The following SPIRE1 variants were observed in gnomAD, a reference collection of about 807,000 sequenced individuals.
The protein encoded by SPIRE1 is protein spire homolog 1.
SPIRE1 carries 40 observed loss-of-function variants against 94.1 expected under a neutral mutation model. The observed-to-expected ratio is 0.43, with a 90% CI of 0.33 to 0.55. The LOEUF (loss-of-function observed/expected upper bound fraction) is 0.55, where lower values mean the gene tolerates loss of function less well. Among genes scored for constraint, SPIRE1 ranks in the 20% least tolerant of loss-of-function variants. The pLI, the probability that SPIRE1 is intolerant of heterozygous loss-of-function variation, is 0.06. For synonymous variants in SPIRE1, 376 were observed against 371.7 expected (o/e 1.01, Z -0.13); for missense variants, 838 against 975.2 (o/e 0.86, Z 1.87).
rs2035603296 is a variant in SPIRE1, at chr18:12,559,002, G to A, written c.373-12098C>T. Among the ~76,000 whole-genome samples the A allele has an allele frequency of 6.6e-6, 1 of 152,190 alleles. No individual in the cohort carries two copies. Among genetic ancestry groups the A allele is most frequent in the Non-Finnish European group, 1.5e-5 (1 of 68,024 alleles). On this transcript the variant is annotated intron_variant, in intron 2 of 16. Coordinates refer to ENST00000409402, the MANE Select transcript of SPIRE1 (RefSeq NM_001128626.2). This position sits in a 1 kb window ranked among gnomAD's most constrained non-coding sequence, Gnocchi z 4.7. Reference sequence around the variant, plus strand: ...TTCTCCAAGACCCTACCCAACTCAGGAGCCCAGCTGGCTTCCCCTAGTGGA... The same window carrying A: ...TTCTCCAAGACCCTACCCAACTCAGAAGCCCAGCTGGCTTCCCCTAGTGGA...
At chr18:12,545,905 T>G (rs1288239915) in intron 3 of SPIRE1, among the ~76,000 whole-genome samples, 2 of 152,216 alleles carry the variant, frequency 1.3e-5, no homozygotes, top group Non-Finnish European at 2.9e-5. Flanking sequence ...AGCGGTTTCT[T>G]GAGTTATGAT....
chr18:12,658,144 C>A, upstream of SPIRE1: 1 of 851,196 alleles, frequency 1.2e-6, no homozygotes, highest in Non-Finnish European at 1.5e-6. Flanking sequence ...TCGCGCCGTC[C>A]AGCGCCGCCC....
chr18:12,628,239 A>G (rs1489509955), intron 2 of SPIRE1, among the ~76,000 whole-genome samples: 1 of 151,948 alleles, frequency 6.6e-6, no homozygotes, highest in Non-Finnish European at 1.5e-5. Flanking sequence ...GTATAAAGAA[A>G]GGGATCCAGT....
intron 9 of SPIRE1, among the ~76,000 whole-genome samples, chr18:12,483,906 A>G (rs913630638): frequency 6.6e-6 from 1 of 152,244 alleles, no homozygotes; most frequent in Admixed American, 6.5e-5. Flanking sequence ...ACAAGAAATC[A>G]AGAATGAAGC....
At chr18:12,531,369 C>G (rs1327605699) in intron 4 of SPIRE1, among the ~76,000 whole-genome samples, 1 of 152,208 alleles carries the variant, frequency 6.6e-6, no homozygotes, top group African/African-American at 2.4e-5. Flanking sequence ...TATTCTCTCT[C>G]CAGAACTGCT....
intron 4 of SPIRE1, among the ~76,000 whole-genome samples, chr18:12,525,952 T>C (rs1208560836): frequency 6.6e-6 from 1 of 151,788 alleles, no homozygotes; most frequent in Non-Finnish European, 1.5e-5. Context: ...TTAGAGATCA[T>C]CATATGCTCA....
intron 8 of SPIRE1, among the ~76,000 whole-genome samples, chr18:12,492,587 T>G (rs570108614): frequency 1.3e-5 from 2 of 152,318 alleles, no homozygotes; most frequent in African/African-American, 4.8e-5. Flanking sequence ...AAACTGTACA[T>G]CTATCATCTA....
intron 12 of SPIRE1, among the ~76,000 whole-genome samples, chr18:12,460,968 G>T (rs904241401): frequency 2.0e-5 from 3 of 152,096 alleles, no homozygotes; most frequent in African/African-American, 7.2e-5. Flanking sequence ...TCTGCTCCCT[G>T]CCCTCAATCT....
chr18:12,534,096 C>CA (rs1278006294), intron 4 of SPIRE1, among the ~76,000 whole-genome samples: 2 of 152,056 alleles, frequency 1.3e-5, no homozygotes, highest in Non-Finnish European at 2.9e-5. Context: ...CATAAAAAGA[C>CA]AGACTATAAG....
chr18:12,531,192 G>C (rs1463963720), intron 4 of SPIRE1, among the ~76,000 whole-genome samples: 1 of 152,100 alleles, frequency 6.6e-6, no homozygotes, highest in Admixed American at 6.5e-5. Context: ...GAGCCACTGT[G>C]CCTGGCCTCC....
intron 5 of SPIRE1, among the ~76,000 whole-genome samples, chr18:12,510,095 A>G (rs201676774): frequency 6.6e-6 from 1 of 151,692 alleles, no homozygotes; most frequent in Non-Finnish European, 1.5e-5. Flanking sequence ...AAAAAAAAAA[A>G]AAAACTAAAA....
At chr18:12,486,318 A>T (rs1332658718) in intron 8 of SPIRE1, among the ~76,000 whole-genome samples, 1 of 152,238 alleles carries the variant, frequency 6.6e-6, no homozygotes, top group African/African-American at 2.4e-5. Flanking sequence ...TGACTTAAAT[A>T]TAGATTTTTA....
intron 2 of SPIRE1, among the ~76,000 whole-genome samples, chr18:12,586,430 T>G (rs962528866): frequency 1.1e-4 from 16 of 152,218 alleles, no homozygotes; most frequent in African/African-American, 3.9e-4. Context: ...CAAACCAAGT[T>G]GCCAGATTAC....
chr18:12,577,576 T>C (rs1286739040), intron 2 of SPIRE1, among the ~76,000 whole-genome samples: 2 of 152,228 alleles, frequency 1.3e-5, no homozygotes, highest in Non-Finnish European at 2.9e-5. Flanking sequence ...GTTATCTACA[T>C]AGTCATTGTC....
intron 2 of SPIRE1, among the ~76,000 whole-genome samples, chr18:12,549,085 C>T (rs2035259878): frequency 6.6e-6 from 1 of 152,182 alleles, no homozygotes. Flanking sequence ...ACATTGCTCT[C>T]ACAGCATGTA....
At chr18:12,560,726 T>C (rs1237139600) in intron 2 of SPIRE1, among the ~76,000 whole-genome samples, 1 of 151,880 alleles carries the variant, frequency 6.6e-6, no homozygotes, top group Non-Finnish European at 1.5e-5. Flanking sequence ...GTAGGATGTG[T>C]CTATAATCCC....
chr18:12,539,346 G>A lies in SPIRE1; in HGVS notation c.604-3745C>T, dbSNP rs566942794. Among the ~76,000 whole-genome samples the A allele has an allele frequency of 3.5e-3, 525 of 152,016 alleles. 5 individuals are homozygous for A. Among genetic ancestry groups the A allele is most frequent in the African/African-American group, 0.012 (495 of 41,500 alleles). ...GTTTCCCTGCACAAGCTCTTTTTTG[G>A]CCTGCTGCCAGCGATGTAAGACATG... is the stretch of plus-strand genomic sequence containing the variant. On this transcript the variant is annotated intron_variant, in intron 3 of 16. Transcript: ENST00000409402.
chr18:12,590,607 T>C (rs1026755781), intron 2 of SPIRE1, among the ~76,000 whole-genome samples: 4 of 150,500 alleles, frequency 2.7e-5, no homozygotes, highest in Non-Finnish European at 1.5e-5. Flanking sequence ...CTGAGCCTCA[T>C]GTCCACCTTA....
intron 2 of SPIRE1, among the ~76,000 whole-genome samples, chr18:12,601,770 G>A (rs2036841512): frequency 6.6e-6 from 1 of 152,200 alleles, no homozygotes; most frequent in East Asian, 1.9e-4. Context: ...GCCTGTTTTC[G>A]AGGTTCCTCC....
Sources: allele counts gnomAD v4.1 joint callset (sites outside exome capture counted in the v4.1 genomes callset), GRCh38; gene constraint gnomAD v4.1.1; non-coding constraint Gnocchi (gnomAD v3.1); transcripts MANE v1.5; gene names NCBI Gene and HGNC (gene_info 2026-07-23, HGNC 2026-07-21).